The following CRPPA variants were observed in gnomAD, a reference collection of about 807,000 sequenced individuals.
CRPPA encodes the protein CDP-L-ribitol pyrophosphorylase A, also known as D-ribitol-5-phosphate cytidylyltransferase.
In CRPPA, 43 loss-of-function variants were observed where a neutral mutation model predicts 52.0. That is an observed-to-expected ratio of 0.83 (90% CI 0.65 to 1.07). CRPPA has a LOEUF of 1.07. Ranked by LOEUF, CRPPA falls within the 50% of genes least tolerant of loss-of-function variation. The pLI is 0.00. For synonymous variants in CRPPA, 250 were observed against 203.5 expected (o/e 1.23, Z -1.94); for missense variants, 629 against 551.7 (o/e 1.14, Z -1.40).
chr7:16,284,706 C>A (rs115288215), intron 5 of CRPPA, among the ~76,000 whole-genome samples: 132 of 152,220 alleles, frequency 8.7e-4, no homozygotes, highest in African/African-American at 3.1e-3. Context: ...GATGCCCACT[C>A]GTTCTCATTG....
intron 3 of CRPPA, among the ~76,000 whole-genome samples, chr7:16,373,695 A>T (rs1786808872): frequency 6.6e-6 from 1 of 152,238 alleles, no homozygotes; most frequent in South Asian, 2.1e-4. Flanking sequence ...AATAATAAGC[A>T]GCAAGGTAGA....
At chr7:16,391,288 C>T (rs1787437737) in intron 2 of CRPPA, among the ~76,000 whole-genome samples, 1 of 152,126 alleles carries the variant, frequency 6.6e-6, no homozygotes, top group African/African-American at 2.4e-5. Context: ...TTCTCCCCCA[C>T]TCTTATAATT....
rs1781835829 is a variant in CRPPA, at chr7:16,091,487, C to G, written c.*208G>C. On this transcript the variant is annotated 3_prime_UTR_variant, in exon 10 of 10. Transcript: ENST00000407010. ...ATCTACTATTTTTTTCTGGTTCAGG[C>G]AATTAATATTTGTCATACACAAAAG... is the stretch of plus-strand genomic sequence containing the variant. 2.4e-6 allele frequency: 1 copy of G among 418,076 alleles called. No individual in the cohort carries two copies. Among genetic ancestry groups the G allele is most frequent in the African/African-American group, 2.1e-5 (1 of 47,368 alleles). The allele number at this position is 418,076 out of a possible 1,614,324, so 25.9% of individuals were successfully genotyped here.
At chr7:16,232,576 C>G (rs1329896623) in intron 8 of CRPPA, among the ~76,000 whole-genome samples, 1 of 151,906 alleles carries the variant, frequency 6.6e-6, no homozygotes, top group East Asian at 1.9e-4. Flanking sequence ...ATTCTAACAC[C>G]AGAAAACACA....
chr7:16,238,609 G>T (rs749402092), intron 8 of CRPPA, among the ~76,000 whole-genome samples: 2 of 151,894 alleles, frequency 1.3e-5, no homozygotes, highest in African/African-American at 4.8e-5. Context: ...GATAAGAAAT[G>T]GACAAATACA....
intron 3 of CRPPA, among the ~76,000 whole-genome samples, chr7:16,317,186 G>A (rs78911190): frequency 0.079 from 12,026 of 152,132 alleles, 787 homozygotes; most frequent in African/African-American, 0.18. Flanking sequence ...CAACCATGGT[G>A]TTGCCATGTA....
intron 9 of CRPPA, among the ~76,000 whole-genome samples, chr7:16,155,327 G>A (rs1292207327): frequency 6.6e-6 from 1 of 152,152 alleles, no homozygotes; most frequent in East Asian, 1.9e-4. Flanking sequence ...TGACATCACT[G>A]AACAGGCTAC....
chr7:16,369,758 C>T (rs1405345851), intron 3 of CRPPA, among the ~76,000 whole-genome samples: 2 of 152,082 alleles, frequency 1.3e-5, no homozygotes, highest in Non-Finnish European at 2.9e-5. Flanking sequence ...TAGAGATTCA[C>T]ATTGTGATTT....
Position 16,089,035 on chromosome 7 carries a change from T to C in CRPPA, c.*2660A>G. ...TCTTCCTTATTTTAAGCCCAAACTT[T>C]TGTTACTATTCAGTCACATGATTTT... On this transcript the variant is annotated 3_prime_UTR_variant, in exon 10 of 10. Transcript: ENST00000407010. The C allele has an allele frequency of 4.4e-6, 1 of 224,984 alleles. No individual in the cohort carries two copies. The highest frequency in any genetic ancestry group is 5.3e-5 in the South Asian group (1 of 18,724). The allele number at this position is 224,984 out of a possible 1,614,324, so 13.9% of individuals were successfully genotyped here. A position where few individuals can be genotyped will look rare whatever the true frequency, so the allele number is the denominator to read the frequency against.
intron 5 of CRPPA, among the ~76,000 whole-genome samples, chr7:16,285,899 TAA>T (rs1784416783): frequency 6.7e-6 from 1 of 149,394 alleles, no homozygotes; most frequent in African/African-American, 2.5e-5. Context: ...CGCATGCCTG[TAA>T]TCCCATCTAC....
intron 9 of CRPPA, among the ~76,000 whole-genome samples, chr7:16,095,729 G>T (rs1003030843): frequency 5.3e-5 from 8 of 152,122 alleles, no homozygotes; most frequent in African/African-American, 1.7e-4. Context: ...AATCTCTCTG[G>T]GTAGAAAAGA....
chr7:16,281,644 C>A (rs1309855022), intron 5 of CRPPA, among the ~76,000 whole-genome samples: 1 of 152,282 alleles, frequency 6.6e-6, no homozygotes, highest in East Asian at 1.9e-4. Flanking sequence ...GTTTTTCCTA[C>A]TCTCTAGAAA....
At chr7:16,102,271 T>G (rs1459481767) in intron 9 of CRPPA, among the ~76,000 whole-genome samples, 1 of 152,140 alleles carries the variant, frequency 6.6e-6, no homozygotes, top group Non-Finnish European at 1.5e-5. Flanking sequence ...AAACTGAAAC[T>G]GGACCCCTTC....
intron 5 of CRPPA, among the ~76,000 whole-genome samples, chr7:16,294,988 A>G (rs1784642484): frequency 6.6e-6 from 1 of 152,100 alleles, no homozygotes; most frequent in Admixed American, 6.6e-5. Context: ...TCAAGGGACT[A>G]GTTTCTGCAT....
At chr7:16,389,109 A>C (rs111670997) in intron 2 of CRPPA, among the ~76,000 whole-genome samples, 1,659 of 152,324 alleles carry the variant, frequency 0.011, 18 homozygotes, top group South Asian at 0.065. Context: ...GAATTGAATT[A>C]GTAATTTAGA....
intron 3 of CRPPA, among the ~76,000 whole-genome samples, chr7:16,332,745 A>G (rs1333815924): frequency 1.3e-5 from 2 of 152,172 alleles, no homozygotes; most frequent in African/African-American, 4.8e-5. Flanking sequence ...AATAGCAAGG[A>G]CAACATATAT....
intron 8 of CRPPA, chr7:16,237,253 A>G (rs1045729074): frequency 3.3e-5 from 5 of 152,148 alleles, no homozygotes; most frequent in East Asian, 1.9e-4. Context: ...TTTGCCTGCT[A>G]TAACACATAC....
chr7:16,109,668 A>G (rs560293413), intron 9 of CRPPA, among the ~76,000 whole-genome samples: 46 of 152,192 alleles, frequency 3.0e-4, no homozygotes, highest in African/African-American at 1.1e-3. Flanking sequence ...ATACAAATCA[A>G]CAAGTGCTGT....
intron 3 of CRPPA, among the ~76,000 whole-genome samples, chr7:16,351,549 T>G (rs1385017172): frequency 6.6e-6 from 1 of 151,656 alleles, no homozygotes; most frequent in African/African-American, 2.4e-5. Flanking sequence ...ACAAGGAACT[T>G]AAGCAAATTT....
Sources: allele counts gnomAD v4.1 joint callset (sites outside exome capture counted in the v4.1 genomes callset), GRCh38; gene constraint gnomAD v4.1.1; transcripts MANE v1.5; gene names NCBI Gene and HGNC (gene_info 2026-07-23, HGNC 2026-07-21).